The following ELAPOR1 variants were observed in gnomAD, a reference collection of about 807,000 sequenced individuals.
The protein encoded by ELAPOR1 is endosome-lysosome associated apoptosis and autophagy regulator 1.
Under a neutral mutation model 119.7 loss-of-function variants are expected in ELAPOR1, and 77 were observed. The observed-to-expected ratio is 0.64, with a 90% CI of 0.54 to 0.78. The LOEUF is 0.78. ELAPOR1 is among the 30% of genes least tolerant of loss of function. ELAPOR1 has a pLI of 0.00. For missense variants in ELAPOR1, 1,115 were observed against 1,270.4 expected (o/e 0.88, Z 1.86); for synonymous variants, 481 against 487.2 (o/e 0.99, Z 0.17).
Position 109,199,998 on chromosome 1 carries a change from C to A in ELAPOR1, c.2628+18C>A. ...GGATCCAGGTGGGTTTCCCTCTGAT[C>A]GGGCACTTCCATGAGAGAAGGGAAT... is the stretch of plus-strand genomic sequence containing the variant. On this transcript the variant is annotated intron_variant, in intron 19 of 21. Transcript: ENST00000369939. The A allele has an allele frequency of 1.9e-6, 3 of 1,613,872 alleles. No individual in the cohort carries two copies. The highest frequency in any genetic ancestry group is 1.1e-5 in the South Asian group (1 of 91,074).
chr1:109,174,071 G>T (rs534430767), intron 7 of ELAPOR1, among the ~76,000 whole-genome samples: 2 of 148,540 alleles, frequency 1.3e-5, no homozygotes, highest in East Asian at 4.0e-4. Context: ...GAAGTGCCGT[G>T]GTGCGATCAT....
chr1:109,147,019 C>G (rs539133571), intron 1 of ELAPOR1, among the ~76,000 whole-genome samples: 7 of 152,132 alleles, frequency 4.6e-5, no homozygotes, highest in African/African-American at 1.7e-4. Flanking sequence ...GATTCTCCTG[C>G]CTCAGCCTCC....
At chr1:109,196,872 G>A (rs973779015) in intron 15 of ELAPOR1, among the ~76,000 whole-genome samples, 6 of 152,138 alleles carry the variant, frequency 3.9e-5, no homozygotes, top group Admixed American at 1.3e-4. Flanking sequence ...TAGTAAAGAC[G>A]GGGTTTCACC....
At chr1:109,182,843 G>C (rs59293846) in intron 7 of ELAPOR1, among the ~76,000 whole-genome samples, 2,397 of 147,946 alleles carry the variant, frequency 0.016, 56 homozygotes, top group African/African-American at 0.055. Flanking sequence ...CTCCAGCCTG[G>C]GCAACAGAGC....
chr1:109,189,666 G>A lies in ELAPOR1; in HGVS notation c.1423G>A (p.Val475Ile). The A allele has an allele frequency of 6.2e-7, 1 of 1,614,080 alleles. No individual in the cohort carries two copies. Among genetic ancestry groups the A allele is most frequent in the Non-Finnish European group, 8.5e-7 (1 of 1,179,954 alleles). Residue 475 changes from valine (V) to isoleucine (I), a missense_variant, in exon 11 of 22, where the codon GTT (valine) becomes ATT (isoleucine). Transcript: ENST00000369939. Reference sequence around the variant, plus strand: ...CAATGACTTCATGATTCTCACTCTGGTTGTGCCAGGATTTAGGTGAGGAAT... The same window carrying A: ...CAATGACTTCATGATTCTCACTCTGATTGTGCCAGGATTTAGGTGAGGAAT... ...SDNDFMILTL[V>I]VPGFRPPQSV...
At chr1:109,143,730 G>T (rs1649971980) in intron 1 of ELAPOR1, among the ~76,000 whole-genome samples, 1 of 150,942 alleles carries the variant, frequency 6.6e-6, no homozygotes, top group Non-Finnish European at 1.5e-5. Flanking sequence ...AGTGCAGTGG[G>T]ACAAACACTG....
intron 10 of ELAPOR1, 47 bp from the exon 11 acceptor site, chr1:109,189,545 C>A (rs2101107690): frequency 6.5e-7 from 1 of 1,541,490 alleles, no homozygotes; most frequent in South Asian, 1.1e-5. Flanking sequence ...GCACATTTGC[C>A]TTGCACCCAA....
chr1:109,174,008 C>G (rs865928692), intron 7 of ELAPOR1, among the ~76,000 whole-genome samples, 171 bp downstream of exon 7: 1 of 110,946 alleles, frequency 9.0e-6, no homozygotes. Context: ...CCATTAATCA[C>G]TTTGTCATTT....
intron 1 of ELAPOR1, among the ~76,000 whole-genome samples, chr1:109,154,070 T>C (rs374065008): frequency 2.0e-5 from 3 of 150,650 alleles, no homozygotes; most frequent in African/African-American, 7.3e-5. Context: ...TCACCTGAGG[T>C]CGGGAGTTTG....
At chr1:109,197,707 G>GTGTGTGTA (rs1248829290) in intron 16 of ELAPOR1, 53 bp downstream of exon 16, 1 of 1,531,142 alleles carries the variant, frequency 6.5e-7, no homozygotes, top group Admixed American at 1.8e-5. Context: ...GTGTGTGTGT[G>GTGTGTGTA]TGTGTGTATG....
chr1:109,202,024 C>T (rs1156377478), intron 21 of ELAPOR1, among the ~76,000 whole-genome samples: 2 of 152,198 alleles, frequency 1.3e-5, no homozygotes, highest in African/African-American at 4.8e-5. Context: ...CACTTGAGCC[C>T]AGGAGTTGGA....
At chr1:109,156,976 G>C (rs1650916672) in intron 1 of ELAPOR1, among the ~76,000 whole-genome samples, 1 of 152,152 alleles carries the variant, frequency 6.6e-6, no homozygotes, top group African/African-American at 2.4e-5. Context: ...GTGGACACTG[G>C]GCAGGCACAA....
chr1:109,156,297 C>A (rs1650869450), intron 1 of ELAPOR1, among the ~76,000 whole-genome samples: 4 of 151,822 alleles, frequency 2.6e-5, no homozygotes, highest in Admixed American at 2.6e-4. Context: ...TGTGGTATCA[C>A]CTATTTAAAA....
intron 1 of ELAPOR1, among the ~76,000 whole-genome samples, chr1:109,148,875 C>T (rs1650351647): frequency 6.6e-6 from 1 of 152,170 alleles, no homozygotes; most frequent in South Asian, 2.1e-4. Context: ...GTGCTATATT[C>T]TTTCCTACTA....
intron 18 of ELAPOR1, among the ~76,000 whole-genome samples, chr1:109,199,203 A>G (rs1233825593): frequency 6.6e-6 from 1 of 152,162 alleles, no homozygotes; most frequent in Non-Finnish European, 1.5e-5. Flanking sequence ...TGAGTGAACT[A>G]AATCAAAAAT....
intron 2 of ELAPOR1, 52 bp downstream of exon 2, chr1:109,162,066 C>T (rs1036429055): frequency 1.3e-6 from 2 of 1,564,266 alleles, no homozygotes; most frequent in African/African-American, 1.3e-5. Context: ...TTGGTCTCTC[C>T]CCCAAGTCTC....
chr1:109,149,144 G>A (rs764676387), intron 1 of ELAPOR1, among the ~76,000 whole-genome samples: 6 of 152,234 alleles, frequency 3.9e-5, no homozygotes, highest in South Asian at 2.1e-4. Flanking sequence ...AAGAGGGCGC[G>A]TCGGGCAGGC....
intron 9 of ELAPOR1, 74 bp from the exon 10 acceptor site, chr1:109,188,992 G>C: frequency 8.9e-6 from 14 of 1,571,606 alleles, no homozygotes; most frequent in Non-Finnish European, 1.2e-5. Context: ...CAACTTGTCT[G>C]TGTGGCAGCA....
intron 1 of ELAPOR1, among the ~76,000 whole-genome samples, chr1:109,153,066 C>T (rs750513559): frequency 6.0e-5 from 9 of 151,176 alleles, no homozygotes; most frequent in East Asian, 1.9e-4. Flanking sequence ...AGATAAAGAA[C>T]GGCAGAAATT....
Sources: allele counts gnomAD v4.1 joint callset (sites outside exome capture counted in the v4.1 genomes callset), GRCh38; gene constraint gnomAD v4.1.1; transcripts MANE v1.5; gene names NCBI Gene and HGNC (gene_info 2026-07-23, HGNC 2026-07-21).